Variants in FLT1 observed in about 807,000 individuals in gnomAD.
FLT1 encodes fms related receptor tyrosine kinase 1, also known as vascular endothelial growth factor receptor 1.
Under a neutral mutation model 156.3 loss-of-function variants are expected in FLT1, and 49 were observed. The observed-to-expected ratio is 0.31, with a 90% CI of 0.25 to 0.40. The LOEUF (loss-of-function observed/expected upper bound fraction) is 0.40. Among genes scored for constraint, FLT1 ranks in the 10% least tolerant of loss-of-function variants. The pLI is 1.00. For synonymous variants in FLT1, 594 were observed against 583.8 expected, an observed-to-expected ratio of 1.02 and a Z score of -0.25; for missense variants, 1,322 against 1,637.2, an observed-to-expected ratio of 0.81 and a Z score of 3.32.
At chr13:28,493,728 T>C (rs4769602) in intron 1 of FLT1, among the ~76,000 whole-genome samples, 10,334 of 152,320 alleles carry the variant, frequency 0.068, 602 homozygotes, top group Admixed American at 0.18. Flanking sequence ...GAGCAGAGAC[T>C]GCGAGTCCGA....
chr13:28,442,825 T>C (rs1262742746), intron 3 of FLT1, among the ~76,000 whole-genome samples: 1 of 152,184 alleles, frequency 6.6e-6, no homozygotes, highest in African/African-American at 2.4e-5. Context: ...TTGCCTGACA[T>C]ATAATAATAC....
intron 17 of FLT1, 127 bp downstream of exon 17, chr13:28,339,041 C>T (rs1047912679): frequency 4.9e-5 from 39 of 800,642 alleles, no homozygotes; most frequent in Non-Finnish European, 7.1e-5. Context: ...ATCTCCCTTG[C>T]TAGTCTGTGA....
At chr13:28,307,860 C>CAT (rs1228871718) in intron 28 of FLT1, among the ~76,000 whole-genome samples, 1 of 152,086 alleles carries the variant, frequency 6.6e-6, no homozygotes, top group Admixed American at 6.5e-5. Context: ...CAACCTCCGC[C>CAT]TCCCGGGTTC....
At chr13:28,482,403 G>A (rs1880910820) in intron 1 of FLT1, among the ~76,000 whole-genome samples, 1 of 150,752 alleles carries the variant, frequency 6.6e-6, no homozygotes, top group African/African-American at 2.4e-5. Flanking sequence ...ACTCCAGCCT[G>A]GACAACAAAA....
At chr13:28,327,572 C>A in intron 19 of FLT1, 22 bp from the exon 20 acceptor site, 1 of 1,536,714 alleles carries the variant, frequency 6.5e-7, no homozygotes, top group Non-Finnish European at 9.0e-7. Context: ...ACAGCACATG[C>A]TCATGCTCAG....
At chr13:28,392,339 G>A (rs970431727) in intron 12 of FLT1, among the ~76,000 whole-genome samples, 3 of 152,198 alleles carry the variant, frequency 2.0e-5, no homozygotes, top group Non-Finnish European at 4.4e-5. Flanking sequence ...TAACAATAAG[G>A]TGTCAGAAAT....
chr13:28,302,990 G>T lies in FLT1; in HGVS notation c.*177C>A. On this transcript the variant is annotated 3_prime_UTR_variant, in exon 30 of 30. Coordinates refer to ENST00000282397, the MANE Select transcript of FLT1 (RefSeq NM_002019.4). The stretch of plus-strand genomic sequence containing the variant: ...TCACTTGTCACTATTTCTCTATCTG[G>T]AGTTACATTCTTGTTAGTCAAAAAA... The T allele has an allele frequency of 1.7e-6, 1 of 604,566 alleles. No individual in the cohort carries two copies. The highest frequency in any genetic ancestry group is 2.9e-5 in the Admixed American group (1 of 34,044). 37.5% of individuals were successfully genotyped at this position (604,566 alleles called of 1,614,324 possible).
chr13:28,336,362 C>T (rs1424901279), intron 17 of FLT1, among the ~76,000 whole-genome samples: 2 of 152,346 alleles, frequency 1.3e-5, no homozygotes, highest in East Asian at 1.9e-4. Flanking sequence ...ACCCATGGTT[C>T]CAGTTTCAGG....
chr13:28,312,067 C>G lies in FLT1; in HGVS notation c.3418G>C (p.Asp1140His), dbSNP rs538506425. ...GCAAATCTTGGCCTTTCTTTTGGGTCTCTGTGCCAGCAGTCCAGCATGATC... is the reference window on the plus strand; with the variant it reads ...GCAAATCTTGGCCTTTCTTTTGGGTGTCTGTGCCAGCAGTCCAGCATGATC... ...YQIMLDCWHRDPKERPRFAEL... is the reference protein window; with the variant it reads ...YQIMLDCWHRHPKERPRFAEL... The change falls in exon 26 of 30, where the codon GAC (aspartate) becomes CAC (histidine). Residue 1140 changes from aspartate to histidine, a missense_variant. Around this residue, in one of 3 missense-constraint regions of FLT1, gnomAD observed 329 missense variants for 366.2 expected, o/e 0.90. Transcript: ENST00000282397. 2.1e-5 allele frequency: 34 copies of G among 1,613,946 alleles called. No individual in the cohort carries two copies. In the South Asian group the frequency reaches 3.2e-4, roughly 15 times the overall value.
Position 28,302,619 on chromosome 13 carries a change from T to C in FLT1, c.*548A>G, listed in dbSNP as rs919795146. On this transcript the variant is annotated 3_prime_UTR_variant, in exon 30 of 30. Transcript: ENST00000282397. ...AGCCCCGTCCCCCTCCGTGCCCACA[T>C]GGTGCGTCTCAAATTCTTTCTCATG... 20 of 234,688 alleles carry C rather than the reference T, an allele frequency of 8.5e-5. No individual in the cohort carries two copies. Among genetic ancestry groups the C allele is most frequent in the Non-Finnish European group, 1.3e-4 (15 of 119,154 alleles). 14.5% of individuals were successfully genotyped at this position (234,688 alleles called of 1,614,324 possible).
chr13:28,459,531 T>TG (rs1879448499), intron 3 of FLT1, among the ~76,000 whole-genome samples: 1 of 152,296 alleles, frequency 6.6e-6, no homozygotes, highest in African/African-American at 2.4e-5. Context: ...AATGAGGCCA[T>TG]GTGGAAAATG....
At chr13:28,338,300 G>A (rs1341211060) in intron 17 of FLT1, among the ~76,000 whole-genome samples, 1 of 151,980 alleles carries the variant, frequency 6.6e-6, no homozygotes, top group Non-Finnish European at 1.5e-5. Flanking sequence ...CAAGCTCCAA[G>A]AACACTGGAT....
At chr13:28,423,325 G>A (rs1877128793) in intron 10 of FLT1, among the ~76,000 whole-genome samples, 2 of 152,010 alleles carry the variant, frequency 1.3e-5, no homozygotes, top group South Asian at 4.2e-4. Context: ...TTTTACTTTT[G>A]TCTAACTCTT....
chr13:28,466,676 T>C, intron 3 of FLT1: 1 of 620,330 alleles, frequency 1.6e-6, no homozygotes, highest in African/African-American at 1.8e-5. Flanking sequence ...AGAGGTGACC[T>C]ATACAGACCA....
chr13:28,376,938 A>G (rs776399700), intron 14 of FLT1, among the ~76,000 whole-genome samples: 2 of 152,224 alleles, frequency 1.3e-5, no homozygotes, highest in Non-Finnish European at 2.9e-5. Context: ...TTAGCCCAAC[A>G]GAAAGAAATG....
In FLT1 at chr13:28,311,507, G is replaced by A. The variant is rs556987217; in HGVS notation, c.3635+83C>T. The A allele has an allele frequency of 5.6e-4, 638 of 1,147,830 alleles. 2 individuals carry two copies. The highest frequency in any genetic ancestry group is 2.7e-3 in the African/African-American group (169 of 63,286). The allele number at this position is 1,147,830 out of a possible 1,614,324, so 71.1% of individuals were successfully genotyped here. ...CTTTCTCTCTTTCTTTCTCTCTTTC[G>A]TCTTTCTTTCTCTTTCGTCTTTCTT... On this transcript the variant is annotated intron_variant, in intron 27 of 29. Transcript: ENST00000282397.
chr13:28,408,924 G>GTAC (rs1219073915), intron 10 of FLT1, among the ~76,000 whole-genome samples: 3 of 152,158 alleles, frequency 2.0e-5, no homozygotes, highest in African/African-American at 7.2e-5. Context: ...GGCTAAGAGT[G>GTAC]TACTCCATGT....
chr13:28,405,945 A>AAATCGACGTATTTACAGC, intron 10 of FLT1, 51 bp from the exon 11 acceptor site: 1 of 910,924 alleles, frequency 1.1e-6, no homozygotes, highest in Non-Finnish European at 1.8e-6. Context: ...TGGTTCAGTC[A>AAATCGACGTATTTACAGC]ATGGGGACAG....
intron 13 of FLT1, chr13:28,387,109 A>C: frequency 9.7e-7 from 1 of 1,035,752 alleles, no homozygotes; most frequent in Non-Finnish European, 1.2e-6. Context: ...AATGTCATTA[A>C]GAATCCCAAA....
Sources: gnomAD v4.1 joint callset for allele counts (sites outside exome capture counted in the v4.1 genomes callset) on GRCh38, gnomAD v4.1.1 for gene constraint, gnomAD v4.1.1 regional missense constraint, MANE v1.5 for transcripts, NCBI Gene and HGNC (gene_info 2026-07-23, HGNC 2026-07-21) for gene names.